Variants in NF2 observed in about 807,000 individuals in gnomAD.
The protein encoded by NF2 is NF2, moesin-ezrin-radixin like (MERLIN) tumor suppressor.
NF2 carries 8 observed loss-of-function variants against 83.7 expected under a neutral mutation model. That is an observed-to-expected ratio of 0.10 (90% CI 0.06 to 0.17). NF2 has a LOEUF of 0.17. Among genes scored for constraint, NF2 ranks in the 10% least tolerant of loss-of-function variants. NF2 has a pLI of 1.00. For missense variants in NF2, 533 were observed against 744.4 expected (o/e 0.72, Z 3.31); for synonymous variants, 266 against 269.6 (o/e 0.99, Z 0.13).
chr22:29,654,765 T>C (rs2146967944), intron 5 of NF2, 40 bp downstream of exon 5: 1 of 1,480,478 alleles, frequency 6.8e-7, no homozygotes, highest in Non-Finnish European at 9.4e-7. Flanking sequence ...ACATAGCAGA[T>C]ATGTGGTCTA....
At chr22:29,669,560 TAAG>T (rs1476773076) in intron 10 of NF2, among the ~76,000 whole-genome samples, 2 of 152,054 alleles carry the variant, frequency 1.3e-5, no homozygotes, top group African/African-American at 4.8e-5. Flanking sequence ...AGTAAATAAA[TAAG>T]AAGGAGGAGG....
In NF2 at chr22:29,681,508, C is replaced by T. The variant is rs2147122941; in HGVS notation, c.1644C>T (p.Ala548=). The part of the protein sequence containing the change: ...QLNELKTEIE[A]LKLKERETAL... The stretch of plus-strand genomic sequence containing the variant: ...ATGAACTCAAGACAGAAATCGAGGC[C>T]TTGAAACTGAAAGAGAGGGAGACAG... Residue 548 remains alanine (A), a synonymous_variant, in exon 15 of 16, where the codon GCC becomes GCT. Transcript: ENST00000338641. 1 of 1,614,134 alleles carries T rather than the reference C, an allele frequency of 6.2e-7. No homozygotes were observed. The highest frequency in any genetic ancestry group is 8.5e-7 in the Non-Finnish European group (1 of 1,180,040).
rs190605872 is a variant in NF2, at chr22:29,653,174, G to A, written c.448-1483G>A. Among the ~76,000 whole-genome samples the A allele has an allele frequency of 6.2e-3, 937 of 152,232 alleles. 5 individuals are homozygous for A. Among genetic ancestry groups the A allele is most frequent in the Admixed American group, 0.026 (405 of 15,288 alleles). On this transcript the variant is annotated intron_variant, in intron 4 of 15. Coordinates refer to ENST00000338641, the MANE Select transcript of NF2 (RefSeq NM_000268.4). ...AAATTTGACAAATTAGGCCAGGCGC[G>A]GTGGCTGACGCCTGTAATCTCAGCA...
In NF2 at chr22:29,604,023, A is replaced by G. The variant is rs1249717688; in HGVS notation, c.25A>G (p.Met9Val). 2 of 1,596,838 alleles carry G rather than the reference A, an allele frequency of 1.3e-6. No individual in the cohort carries two copies. The highest frequency in any genetic ancestry group is 1.7e-6 in the Non-Finnish European group (2 of 1,171,954). The change falls in exon 1 of 16, where the codon ATG becomes GTG. Residue 9 changes from methionine (M) to valine (V), a missense_variant. By Grantham distance (21) the Met-to-Val change is conservative. Around this residue, in one of 3 missense-constraint regions of NF2, gnomAD observed 326 missense variants for 475.1 expected, o/e 0.69. Transcript: ENST00000338641. MAGAIASR[M>V]SFSSLKRKQP... Reference sequence around the variant, plus strand: ...CATGGCCGGGGCCATCGCTTCCCGCATGAGCTTCAGCTCTCTCAAGAGGAA... The same window carrying G: ...CATGGCCGGGGCCATCGCTTCCCGCGTGAGCTTCAGCTCTCTCAAGAGGAA...
At chr22:29,653,622 C>A (rs984487188) in intron 4 of NF2, among the ~76,000 whole-genome samples, 47 of 152,230 alleles carry the variant, frequency 3.1e-4, no homozygotes, top group African/African-American at 1.1e-3. Context: ...TGATGAATAT[C>A]TTCTTTCACT....
intron 12 of NF2, among the ~76,000 whole-genome samples, chr22:29,674,481 C>T (rs569914687): frequency 2.3e-4 from 35 of 152,316 alleles, no homozygotes; most frequent in African/African-American, 8.2e-4. Context: ...TTTGATCCTC[C>T]AGGTTCTTCC....
chr22:29,645,308 A>G (rs2146920797), intron 4 of NF2, among the ~76,000 whole-genome samples: 1 of 152,204 alleles, frequency 6.6e-6, no homozygotes, highest in East Asian at 1.9e-4. Context: ...TAAAGCAAGT[A>G]TCTGCCCTCA....
At chr22:29,630,871 G>T (rs533208526) in intron 1 of NF2, among the ~76,000 whole-genome samples, 22 of 152,302 alleles carry the variant, frequency 1.4e-4, no homozygotes, top group Admixed American at 1.4e-3. Flanking sequence ...GAGGAAAAAT[G>T]ATAAACCCTA....
intron 15 of NF2, among the ~76,000 whole-genome samples, chr22:29,684,739 T>C (rs1470129124): frequency 2.0e-5 from 3 of 152,214 alleles, no homozygotes; most frequent in Non-Finnish European, 4.4e-5. Flanking sequence ...AAGCAGGGAC[T>C]TGATGTTTAA....
intron 8 of NF2, among the ~76,000 whole-genome samples, chr22:29,663,219 A>AATTTC (rs1254579954): frequency 2.6e-5 from 4 of 152,214 alleles, no homozygotes; most frequent in Non-Finnish European, 5.9e-5. Flanking sequence ...TTCATCTCCC[A>AATTTC]ATTTCATAAA....
At chr22:29,680,718 T>C (rs2147118797) in intron 14 of NF2, among the ~76,000 whole-genome samples, 1 of 152,314 alleles carries the variant, frequency 6.6e-6, no homozygotes, top group East Asian at 1.9e-4. Context: ...AGATGAAGTC[T>C]CAGAACAAGT....
intron 9 of NF2, among the ~76,000 whole-genome samples, chr22:29,665,557 T>A (rs1395330417): frequency 6.6e-6 from 1 of 152,180 alleles, no homozygotes; most frequent in African/African-American, 2.4e-5. Flanking sequence ...GAGGAATTTT[T>A]AAAAAGGATT....
At chr22:29,674,226 T>C (rs1434368208) in intron 12 of NF2, among the ~76,000 whole-genome samples, 11 of 152,314 alleles carry the variant, frequency 7.2e-5, no homozygotes, top group Admixed American at 5.2e-4. Context: ...TCAGGCCCCT[T>C]ACTGTATTCG....
intron 9 of NF2, among the ~76,000 whole-genome samples, chr22:29,666,361 G>A (rs1008637164): frequency 1.3e-5 from 2 of 151,946 alleles, no homozygotes; most frequent in African/African-American, 2.4e-5. Flanking sequence ...GGCTGGTCTC[G>A]AACTCCTGAC....
At chr22:29,628,178 G>GTGTGTGTGTA (rs1193004335) in intron 1 of NF2, among the ~76,000 whole-genome samples, 1 of 149,466 alleles carries the variant, frequency 6.7e-6, no homozygotes, top group Non-Finnish European at 1.5e-5. Flanking sequence ...GTGTGTGTGT[G>GTGTGTGTGTA]TGTGTGTACA....
intron 4 of NF2, among the ~76,000 whole-genome samples, chr22:29,642,982 C>T (rs1007579081): frequency 4.0e-5 from 6 of 151,088 alleles, no homozygotes; most frequent in Non-Finnish European, 7.4e-5. Context: ...TTTACAAGAC[C>T]GATGAGAGGG....
At chr22:29,655,421 A>G (rs2066271121) in intron 5 of NF2, among the ~76,000 whole-genome samples, 173 bp from the exon 6 acceptor site, 1 of 152,218 alleles carries the variant, frequency 6.6e-6, no homozygotes, top group African/African-American at 2.4e-5. Flanking sequence ...TTGCTCCTCC[A>G]ATAGAATGGT....
chr22:29,640,406 G>A (rs779699629), intron 3 of NF2, among the ~76,000 whole-genome samples: 1 of 152,062 alleles, frequency 6.6e-6, no homozygotes, highest in African/African-American at 2.4e-5. Flanking sequence ...TTGTCCCACC[G>A]AATTGAAGAA....
chr22:29,643,205 T>G (rs913586277), intron 4 of NF2, among the ~76,000 whole-genome samples: 2 of 152,124 alleles, frequency 1.3e-5, no homozygotes, highest in East Asian at 1.9e-4. Flanking sequence ...GGTCTTGAAC[T>G]CCTGAGCTCA....
Sources: gnomAD v4.1 joint callset for allele counts (sites outside exome capture counted in the v4.1 genomes callset) on GRCh38, gnomAD v4.1.1 for gene constraint, gnomAD v4.1.1 regional missense constraint, MANE v1.5 for transcripts, NCBI Gene and HGNC (gene_info 2026-07-23, HGNC 2026-07-21) for gene names.